Variants in UIMC1 observed in about 807,000 individuals in gnomAD.
UIMC1 encodes the protein BRCA1-A complex subunit RAP80.
A neutral mutation model predicts 84.9 loss-of-function variants in UIMC1; 42 were observed. The observed-to-expected ratio is 0.49, with a 90% confidence interval of 0.39 to 0.64. UIMC1 has a LOEUF of 0.64. Ranked by LOEUF, UIMC1 falls within the 30% of genes least tolerant of loss-of-function variation. UIMC1 has a pLI of 0.00. For synonymous variants in UIMC1, 281 were observed against 293.0 expected, an observed-to-expected ratio of 0.96 and a Z score of 0.42; for missense variants, 825 against 847.6, an observed-to-expected ratio of 0.97 and a Z score of 0.33.
intron 1 of UIMC1, among the ~76,000 whole-genome samples, chr5:177,000,406 G>A (rs773203766): frequency 5.3e-5 from 8 of 151,842 alleles, no homozygotes; most frequent in Non-Finnish European, 1.0e-4. Context: ...TTTTAACTGG[G>A]GTGAGATATT....
At chr5:176,975,212 T>G (rs1389381889) in intron 3 of UIMC1, among the ~76,000 whole-genome samples, 184 bp downstream of exon 3, 1 of 152,122 alleles carries the variant, frequency 6.6e-6, no homozygotes, top group South Asian at 2.1e-4. Flanking sequence ...CCACTGAAGA[T>G]ACAGGAAACT....
At chr5:176,935,665 C>T (rs1043279476) in intron 10 of UIMC1, among the ~76,000 whole-genome samples, 3 of 152,124 alleles carry the variant, frequency 2.0e-5, no homozygotes, top group Non-Finnish European at 4.4e-5. Context: ...GAAGACTGGA[C>T]AGGGTACAAA....
At chr5:176,981,439 C>T (rs1479730834) in intron 2 of UIMC1, among the ~76,000 whole-genome samples, 3 of 152,006 alleles carry the variant, frequency 2.0e-5, no homozygotes, top group Non-Finnish European at 2.9e-5. Flanking sequence ...CTGCCGTGCC[C>T]GGCCAAGAAA....
rs57521139 is a variant in UIMC1 at position 176,995,537 on chromosome 5, C to CAAA, written c.-9+11110_-9+11112dup. On this transcript the variant is annotated intron_variant, in intron 1 of 14. Coordinates refer to ENST00000511320, the MANE Select transcript of UIMC1 (RefSeq NM_001199298.2). ...GGGTGACAGAGAAAGACTCTGTCTCCAAAAAAAAAAAAAAAAAAAAAAAAG... is the reference window on the plus strand; with the variant it reads ...GGGTGACAGAGAAAGACTCTGTCTCCAAAAAAAAAAAAAAAAAAAAAAAAAAAG... Among the ~76,000 whole-genome samples the CAAA allele has an allele frequency of 3.6e-3, 132 of 36,494 alleles. 6 individuals are homozygous for CAAA. The highest frequency in any genetic ancestry group is 1.0e-2 in the African/African-American group (96 of 9,640). The allele number at this position is 36,494 out of a possible 152,430, so 23.9% of individuals were successfully genotyped here. A position where few individuals can be genotyped will look rare whatever the true frequency, so the allele number is the denominator to read the frequency against.
intron 1 of UIMC1, among the ~76,000 whole-genome samples, chr5:176,984,792 C>G (rs1771709936): frequency 6.6e-6 from 1 of 152,082 alleles, no homozygotes; most frequent in Non-Finnish European, 1.5e-5. Context: ...ATAACCTTAC[C>G]CCCAACCCCG....
intron 10 of UIMC1, among the ~76,000 whole-genome samples, chr5:176,921,971 T>G (rs940632991): frequency 1.3e-5 from 2 of 152,194 alleles, no homozygotes; most frequent in Non-Finnish European, 2.9e-5. Context: ...AGTCATTGTG[T>G]CTTTCCTGCA....
chr5:176,928,228 C>A (rs944945102), intron 10 of UIMC1, among the ~76,000 whole-genome samples: 2 of 152,150 alleles, frequency 1.3e-5, no homozygotes, highest in African/African-American at 4.8e-5. Context: ...AGTGCTTTAA[C>A]AGCAGAGTTG....
At chr5:176,960,999 C>T (rs1335216622) in intron 6 of UIMC1, among the ~76,000 whole-genome samples, 1 of 42,520 alleles carries the variant, frequency 2.4e-5, no homozygotes, top group Non-Finnish European at 4.0e-5. Flanking sequence ...ACCTCCCAGC[C>T]GCCTGCCTTG....
chr5:176,924,731 C>G (rs1360882716), intron 10 of UIMC1, among the ~76,000 whole-genome samples: 1 of 152,036 alleles, frequency 6.6e-6, no homozygotes, highest in Non-Finnish European at 1.5e-5. Flanking sequence ...TTCTTCACAG[C>G]AAGATACCAT....
chr5:176,907,135 G>A lies in UIMC1; in HGVS notation c.1891C>T (p.Gln631Ter). ...SEGRLLSFLE[Q>*]SEHKTSDADI... ...TCACCTGAAGTCTTGTGCTCAGACT[G>A]TTCCAAGAAACTAAGGAGTCGGCCT... Residue 631 changes from glutamine (Q) to a stop codon, truncating the protein, a stop_gained, in exon 13 of 15, where the codon CAG becomes TAG. Coordinates refer to ENST00000511320, the MANE Select transcript of UIMC1 (RefSeq NM_001199298.2). LOFTEE classifies it high-confidence loss of function. 6.2e-7 allele frequency: 1 copy of A among 1,613,896 alleles called. No homozygotes were observed. Among genetic ancestry groups the A allele is most frequent in the Non-Finnish European group, 8.5e-7 (1 of 1,179,866 alleles).
chr5:176,947,679 G>A (rs1290250341), intron 9 of UIMC1, among the ~76,000 whole-genome samples: 3 of 151,818 alleles, frequency 2.0e-5, no homozygotes, highest in East Asian at 1.9e-4. Flanking sequence ...TTAGCCAGGC[G>A]TGGTGGTGGG....
At chr5:176,949,100 T>A (rs1024450886) in intron 9 of UIMC1, among the ~76,000 whole-genome samples, 1 of 151,694 alleles carries the variant, frequency 6.6e-6, no homozygotes, top group Non-Finnish European at 1.5e-5. Context: ...TTTAAAAAAA[T>A]TTATTTATTT....
intron 3 of UIMC1, among the ~76,000 whole-genome samples, chr5:176,972,789 A>T (rs894487409): frequency 6.6e-6 from 1 of 152,176 alleles, no homozygotes; most frequent in East Asian, 1.9e-4. Context: ...ACTGCTCAAG[A>T]ACAAAAACAC....
chr5:176,953,745 A>C (rs1766222047), intron 8 of UIMC1, among the ~76,000 whole-genome samples: 1 of 152,236 alleles, frequency 6.6e-6, no homozygotes, highest in Non-Finnish European at 1.5e-5. Flanking sequence ...CAATGCTAGA[A>C]GCATGCAAAA....
rs971446364 is a variant in UIMC1 at position 176,971,408 on chromosome 5, T to A, written c.233-542A>T. On this transcript the variant is annotated intron_variant, in intron 3 of 14. Coordinates refer to ENST00000511320, the MANE Select transcript of UIMC1 (RefSeq NM_001199298.2). ...ATGGCTGGGTCCCAAGTCCAAAGCA[T>A]GAAATGAACAAGATGAGCTAGAATA... Among the ~76,000 whole-genome samples, 9 of 152,144 alleles carry A rather than the reference T, an allele frequency of 5.9e-5. No homozygotes were observed. The East Asian group carries it at 9.6e-4, about 16-fold the overall frequency.
At chr5:176,922,766 G>A (rs201769884) in intron 10 of UIMC1, among the ~76,000 whole-genome samples, 1 of 152,072 alleles carries the variant, frequency 6.6e-6, no homozygotes, top group Non-Finnish European at 1.5e-5. Context: ...TAAGTTCTAC[G>A]TATATATTAT....
intron 10 of UIMC1, among the ~76,000 whole-genome samples, chr5:176,942,314 T>G (rs187946492): frequency 6.6e-6 from 1 of 152,148 alleles, no homozygotes; most frequent in African/African-American, 2.4e-5. Flanking sequence ...TTATTCTGAA[T>G]GAAAAACGTG....
intron 10 of UIMC1, among the ~76,000 whole-genome samples, chr5:176,927,953 G>C (rs1050679097): frequency 6.6e-6 from 1 of 151,104 alleles, no homozygotes; most frequent in African/African-American, 2.4e-5. Context: ...CTGGGTTCAC[G>C]TGATTCTCCT....
intron 6 of UIMC1, among the ~76,000 whole-genome samples, chr5:176,967,240 A>G (rs774790178): frequency 6.6e-6 from 1 of 152,080 alleles, no homozygotes; most frequent in African/African-American, 2.4e-5. Context: ...ACATTTTACT[A>G]TCTGTAACAG....
Sources: allele counts gnomAD v4.1 joint callset (sites outside exome capture counted in the v4.1 genomes callset), GRCh38; gene constraint gnomAD v4.1.1; transcripts MANE v1.5; gene names NCBI Gene and HGNC (gene_info 2026-07-23, HGNC 2026-07-21).